Variants in DLG2 observed in about 807,000 individuals in gnomAD.
DLG2 encodes disks large homolog 2.
Under a neutral mutation model 132.5 loss-of-function variants are expected in DLG2, and 45 were observed. The ratio of observed to expected loss-of-function variants is 0.34; its 90% CI spans 0.27 to 0.44. The LOEUF (loss-of-function observed/expected upper bound fraction) is 0.44. Among genes scored for constraint, DLG2 ranks in the 20% least tolerant of loss-of-function variants. DLG2 has a pLI of 1.00. For synonymous variants in DLG2, 424 were observed against 419.6 expected, an observed-to-expected ratio of 1.01 and a Z score of -0.13; for missense variants, 1,045 against 1,196.9, an observed-to-expected ratio of 0.87 and a Z score of 1.87.
intron 5 of DLG2, among the ~76,000 whole-genome samples, chr11:85,113,801 C>A (rs1427736326): frequency 6.6e-6 from 1 of 151,858 alleles, no homozygotes; most frequent in Non-Finnish European, 1.5e-5. Flanking sequence ...AAGATCTTTC[C>A]CAAACTTTAT....
intron 3 of DLG2, among the ~76,000 whole-genome samples, chr11:85,439,649 G>A (rs963027951): frequency 6.6e-5 from 10 of 152,142 alleles, no homozygotes; most frequent in Non-Finnish European, 1.0e-4. Flanking sequence ...GTGAGCCACC[G>A]CGCCCGGCCT....
intron 7 of DLG2, among the ~76,000 whole-genome samples, chr11:84,486,855 G>A (rs190820325): frequency 1.2e-3 from 176 of 152,140 alleles, no homozygotes; most frequent in African/African-American, 4.1e-3. Flanking sequence ...TCAAGACCCT[G>A]GCTCTGAGTA....
chr11:84,862,924 G>C (rs1380050752), intron 6 of DLG2, among the ~76,000 whole-genome samples: 1 of 151,432 alleles, frequency 6.6e-6, no homozygotes, highest in Admixed American at 6.6e-5. Context: ...TGTATACCTA[G>C]GTACAAATCT....
chr11:85,454,252 T>C (rs1449178145), intron 3 of DLG2, among the ~76,000 whole-genome samples: 2 of 151,944 alleles, frequency 1.3e-5, no homozygotes, highest in South Asian at 2.1e-4. Context: ...TGGTATGAGA[T>C]GGTATCTCAT....
At chr11:83,875,006 G>A (rs1465761992) in intron 15 of DLG2, among the ~76,000 whole-genome samples, 1 of 152,072 alleles carries the variant, frequency 6.6e-6, no homozygotes, top group Non-Finnish European at 1.5e-5. Context: ...TATTTTTTAA[G>A]CTGCAGAATA....
chr11:85,347,607 G>A (rs1166343636), intron 3 of DLG2, among the ~76,000 whole-genome samples: 1 of 151,976 alleles, frequency 6.6e-6, no homozygotes, highest in Non-Finnish European at 1.5e-5. Flanking sequence ...TCTACTGGGA[G>A]ATTGAGGTAA....
chr11:84,182,004 T>C (rs1383027987), intron 8 of DLG2, among the ~76,000 whole-genome samples: 3 of 152,096 alleles, frequency 2.0e-5, no homozygotes, highest in Non-Finnish European at 4.4e-5. Context: ...ATATTTGAAC[T>C]CCATGGAACC....
At chr11:84,868,998 G>C (rs1392266832) in intron 6 of DLG2, among the ~76,000 whole-genome samples, 2 of 152,100 alleles carry the variant, frequency 1.3e-5, no homozygotes, top group Non-Finnish European at 2.9e-5. Flanking sequence ...CCCCCTAAAG[G>C]ATGTGATATG....
chr11:85,384,293 T>C (rs1196661749), intron 3 of DLG2, among the ~76,000 whole-genome samples: 1 of 152,202 alleles, frequency 6.6e-6, no homozygotes, highest in East Asian at 1.9e-4. Context: ...GTCTGAGATT[T>C]GACATTGGTT....
chr11:84,351,470 G>C (rs1173387842), intron 7 of DLG2, among the ~76,000 whole-genome samples: 1 of 151,862 alleles, frequency 6.6e-6, no homozygotes, highest in Non-Finnish European at 1.5e-5. Context: ...AATAATGCTC[G>C]GAACCTAACT....
At chr11:84,644,935 G>A (rs566363211) in intron 6 of DLG2, among the ~76,000 whole-genome samples, 2 of 152,244 alleles carry the variant, frequency 1.3e-5, no homozygotes, top group Admixed American at 1.3e-4. Flanking sequence ...AACCTGCAGT[G>A]CTAAAGAAAC....
chr11:83,827,777 T>C (rs979514003), intron 17 of DLG2, among the ~76,000 whole-genome samples: 4 of 151,884 alleles, frequency 2.6e-5, no homozygotes, highest in Non-Finnish European at 5.9e-5. Context: ...AGAGAAGCAT[T>C]TCTAGCTTTC....
At chr11:84,992,584 A>T (rs576626021) in intron 6 of DLG2, among the ~76,000 whole-genome samples, 74 of 152,266 alleles carry the variant, frequency 4.9e-4, no homozygotes, top group African/African-American at 1.8e-3. Flanking sequence ...AATAATAGCC[A>T]TTCTAACTGG....
At chr11:84,399,619 G>C (rs1029863493) in intron 7 of DLG2, among the ~76,000 whole-genome samples, 18 of 151,974 alleles carry the variant, frequency 1.2e-4, no homozygotes, top group African/African-American at 4.1e-4. Flanking sequence ...GTTTCACTGG[G>C]TTGGCCAGGC....
chr11:85,348,960 A>G (rs931892281), intron 3 of DLG2, among the ~76,000 whole-genome samples: 1 of 152,190 alleles, frequency 6.6e-6, no homozygotes, highest in African/African-American at 2.4e-5. Flanking sequence ...TGAGTTGCTC[A>G]TGTAAACCAA....
rs1409732694 is a variant in DLG2 at position 84,734,757 on chromosome 11, A to T, written c.358-200026T>A. ...GTTTCCAGTTTTTGCCCATTCAGCA[A>T]GATATTGGCTGTGGGTTTGTCATAA... On this transcript the variant is annotated intron_variant, in intron 6 of 27. Coordinates refer to ENST00000376104, the MANE Select transcript of DLG2 (RefSeq NM_001142699.3). 5.9e-5 allele frequency among the ~76,000 whole-genome samples: 9 copies of T among 152,216 alleles called. No individual in the cohort carries two copies. The East Asian group carries it at 1.7e-3, about 29-fold the overall frequency.
rs1259072714 is a variant in DLG2, at chr11:83,455,953, AGAGAT to A, written c.*3860_*3864del. The A allele has an allele frequency of 6.6e-6, 1 of 152,626 alleles. No individual in the cohort carries two copies. Among genetic ancestry groups the A allele is most frequent in the African/African-American group, 2.4e-5 (1 of 41,466 alleles). The allele number at this position is 152,626 out of a possible 1,614,324, so 9.5% of individuals were successfully genotyped here. On this transcript the variant is annotated 3_prime_UTR_variant, in exon 28 of 28. Coordinates refer to ENST00000376104, the MANE Select transcript of DLG2 (RefSeq NM_001142699.3). ...TTAGGCAGGACCAAGACAGGAAAGA[AGAGAT>A]TTCATTTCACCAGCAAGTCCATTCA... is the stretch of plus-strand genomic sequence containing the variant.
At chr11:83,566,239 T>C (rs1593329886) in intron 19 of DLG2, among the ~76,000 whole-genome samples, 2 of 152,208 alleles carry the variant, frequency 1.3e-5, no homozygotes, top group African/African-American at 4.8e-5. Context: ...GTGATGATGA[T>C]AGATACTGGA....
chr11:85,130,126 A>T (rs1306521465), intron 5 of DLG2, among the ~76,000 whole-genome samples: 1 of 152,188 alleles, frequency 6.6e-6, no homozygotes, highest in Non-Finnish European at 1.5e-5. Flanking sequence ...TGATGGGTGT[A>T]GCAAACCACC....
Sources: gnomAD v4.1 joint callset for allele counts (sites outside exome capture counted in the v4.1 genomes callset) on GRCh38, gnomAD v4.1.1 for gene constraint, MANE v1.5 for transcripts, NCBI Gene and HGNC (gene_info 2026-07-23, HGNC 2026-07-21) for gene names.